Variants in FDX1 observed in about 807,000 individuals in gnomAD.
The protein encoded by FDX1 is adrenodoxin, mitochondrial.
FDX1 carries 9 observed loss-of-function variants against 14.9 expected under a neutral mutation model. The observed-to-expected ratio is 0.60, with a 90% CI of 0.36 to 1.05. FDX1 has a LOEUF of 1.05. Among genes scored for constraint, FDX1 ranks in the 50% least tolerant of loss-of-function variants. FDX1 has a pLI of 0.01. For synonymous variants in FDX1, 92 were observed against 99.4 expected (o/e 0.93, Z 0.44); for missense variants, 204 against 237.2 (o/e 0.86, Z 0.92).
Position 110,432,284 on chromosome 11 carries a change from G to C in FDX1, c.185+1979G>C, listed in dbSNP as rs562202531. On this transcript the variant is annotated intron_variant, in intron 1 of 3. Coordinates refer to ENST00000260270, the MANE Select transcript of FDX1 (RefSeq NM_004109.5). ...ATCTTTCACGTGTATTGTTTCGTAT[G>C]ACTCTTAAGACAATTCTATGAGGTA... Among the ~76,000 whole-genome samples, 22 of 152,250 alleles carry C rather than the reference G, an allele frequency of 1.4e-4. No individual in the cohort carries two copies. In the South Asian group the frequency reaches 3.1e-3, roughly 22 times the overall value.
chr11:110,442,058 G>A (rs895649863), intron 2 of FDX1, among the ~76,000 whole-genome samples: 7 of 152,226 alleles, frequency 4.6e-5, no homozygotes, highest in Non-Finnish European at 4.4e-5. Context: ...CTTCCATGTG[G>A]TATTGAGCCT....
chr11:110,458,953 G>T (rs890053475), intron 3 of FDX1, among the ~76,000 whole-genome samples: 1 of 152,134 alleles, frequency 6.6e-6, no homozygotes, highest in Non-Finnish European at 1.5e-5. Context: ...TGGATGGATG[G>T]ATGATACATG....
At chr11:110,431,288 A>T (rs1201296584) in intron 1 of FDX1, among the ~76,000 whole-genome samples, 1 of 152,236 alleles carries the variant, frequency 6.6e-6, no homozygotes, top group Non-Finnish European at 1.5e-5. Context: ...TTTACACATA[A>T]TTTTTACCAA....
intron 1 of FDX1, among the ~76,000 whole-genome samples, chr11:110,431,354 T>C (rs2134563745): frequency 6.6e-6 from 1 of 152,344 alleles, no homozygotes; most frequent in African/African-American, 2.4e-5. Context: ...CCGCATGATG[T>C]AGGGTAGCAG....
Position 110,444,681 on chromosome 11 carries a change from T to C in FDX1, c.310+8723T>C, listed in dbSNP as rs1476421640. On this transcript the variant is annotated intron_variant, in intron 2 of 3. Transcript: ENST00000260270. ...ATATATATACGTATATATATATATATATACACGTATATATATATATATACG... is the reference window on the plus strand; with the variant it reads ...ATATATATACGTATATATATATATACATACACGTATATATATATATATACG... Among the ~76,000 whole-genome samples, 96 of 73,172 alleles carry C rather than the reference T, an allele frequency of 1.3e-3. 5 individuals carry two copies. Among genetic ancestry groups the C allele is most frequent in the Non-Finnish European group, 1.6e-3 (62 of 39,502 alleles). The allele number at this position is 73,172 out of a possible 152,430, so 48.0% of individuals were successfully genotyped here.
At chr11:110,444,690 A>ATATATATATACACG in intron 2 of FDX1, among the ~76,000 whole-genome samples, 1 of 54,982 alleles carries the variant, frequency 1.8e-5, no homozygotes, top group East Asian at 7.6e-4. Context: ...ATATACACGT[A>ATATATATATACACG]TATATATATA....
intron 2 of FDX1, among the ~76,000 whole-genome samples, chr11:110,442,436 T>C (rs1020459995): frequency 1.3e-5 from 2 of 152,166 alleles, no homozygotes; most frequent in African/African-American, 4.8e-5. Context: ...CCCAAGACCA[T>C]GGGAACCCAG....
At position 110,463,523 on chromosome 11, in the gene FDX1, A is replaced by G. The variant is rs907217038; in HGVS notation, c.*1055A>G. 9.2e-5 allele frequency: 14 copies of G among 152,376 alleles called. No individual in the cohort carries two copies. The highest frequency in any genetic ancestry group is 3.4e-4 in the African/African-American group (14 of 41,600). The allele number at this position is 152,376 out of a possible 1,614,324, so 9.4% of individuals were successfully genotyped here. ...GGTACACAGTATGGTCTTTGGAAAT[A>G]TAATAAAACATCAACTAACTTGGAC... On this transcript the variant is annotated 3_prime_UTR_variant, in exon 4 of 4. Transcript: ENST00000260270.
Position 110,464,245 on chromosome 11 carries a change from C to T in FDX1, c.*1777C>T, listed in dbSNP as rs762050011. 2 of 152,006 alleles carry T rather than the reference C, an allele frequency of 1.3e-5. No individual in the cohort carries two copies. The highest frequency in any genetic ancestry group is 2.9e-5 in the Non-Finnish European group (2 of 68,006). 9.4% of individuals were successfully genotyped at this position (152,006 alleles called of 1,614,324 possible). ...TTGAATGCTTTCTATGTGGAGAGTG[C>T]TTGTCTTAATTTTCTGTTGCTATAA... is the stretch of plus-strand genomic sequence containing the variant. On this transcript the variant is annotated 3_prime_UTR_variant, in exon 4 of 4. Transcript: ENST00000260270.
intron 2 of FDX1, among the ~76,000 whole-genome samples, chr11:110,437,899 T>G (rs994466159): frequency 2.6e-5 from 4 of 152,202 alleles, no homozygotes; most frequent in African/African-American, 9.7e-5. Flanking sequence ...GCTTTTCTGG[T>G]TCTGTGTTAA....
chr11:110,447,584 C>T (rs10789764), intron 2 of FDX1, among the ~76,000 whole-genome samples: 42,171 of 151,942 alleles, frequency 0.28, 5,928 homozygotes, highest in East Asian at 0.37. Flanking sequence ...TCTCATTGTT[C>T]TTTGTCTCAC....
At chr11:110,453,671 A>G (rs1436744379) in intron 2 of FDX1, among the ~76,000 whole-genome samples, 1 of 151,702 alleles carries the variant, frequency 6.6e-6, no homozygotes, top group African/African-American at 2.4e-5. Context: ...ACTCTAGAAA[A>G]CTACTCATCT....
chr11:110,450,850 A>G (rs983465630), intron 2 of FDX1, among the ~76,000 whole-genome samples: 2 of 152,134 alleles, frequency 1.3e-5, no homozygotes, highest in African/African-American at 4.8e-5. Flanking sequence ...AGACATACAC[A>G]TTTTCCCTGT....
In FDX1 at chr11:110,462,398, A is replaced by G. The variant is rs1425189629; in HGVS notation, c.485A>G (p.Asn162Ser). Residue 162 changes from asparagine (N) to serine (S), a missense_variant, in exon 4 of 4, where the codon AAT becomes AGT. By Grantham distance (46) the Asn-to-Ser change is conservative. Coordinates refer to ENST00000260270, the MANE Select transcript of FDX1 (RefSeq NM_004109.5). ...ATCTGTTTGACAAAATCTATGGACAATATGACTGTTCGAGTGCCTGAAACA... is the reference window on the plus strand; with the variant it reads ...ATCTGTTTGACAAAATCTATGGACAGTATGACTGTTCGAGTGCCTGAAACA... Reference protein sequence around the residue: ...CQICLTKSMDNMTVRVPETVA... With the variant: ...CQICLTKSMDSMTVRVPETVA... The G allele has an allele frequency of 3.7e-6, 6 of 1,612,686 alleles. No homozygotes were observed. The highest frequency in any genetic ancestry group is 4.5e-5 in the East Asian group (2 of 44,872).
chr11:110,453,238 T>G (rs1946497791), intron 2 of FDX1, among the ~76,000 whole-genome samples: 1 of 152,180 alleles, frequency 6.6e-6, no homozygotes, highest in South Asian at 2.1e-4. Context: ...TCCAGGAGGC[T>G]GAGGCAGGAG....
At chr11:110,442,977 G>A (rs910409690) in intron 2 of FDX1, among the ~76,000 whole-genome samples, 6 of 152,156 alleles carry the variant, frequency 3.9e-5, no homozygotes, top group Non-Finnish European at 5.9e-5. Flanking sequence ...TATAAGGGGA[G>A]GGGGGTTCCC....
chr11:110,444,767 T>TA (rs1355647001), intron 2 of FDX1, among the ~76,000 whole-genome samples: 3 of 136,280 alleles, frequency 2.2e-5, no homozygotes, highest in African/African-American at 8.3e-5. Flanking sequence ...TATATATATA[T>TA]TTGCAGAACA....
Position 110,463,079 on chromosome 11 carries a change from T to A in FDX1, c.*611T>A, listed in dbSNP as rs1565386642. On this transcript the variant is annotated 3_prime_UTR_variant, in exon 4 of 4. Transcript: ENST00000260270. ...ATTTCAAAATTTTGATTCGGAAGACTAAGTCTGGACGTAGACATTATAATG... is the reference window on the plus strand; with the variant it reads ...ATTTCAAAATTTTGATTCGGAAGACAAAGTCTGGACGTAGACATTATAATG... 1 of 152,390 alleles carries A rather than the reference T, an allele frequency of 6.6e-6. No individual in the cohort carries two copies. Among genetic ancestry groups the A allele is most frequent in the East Asian group, 1.9e-4 (1 of 5,196 alleles). 9.4% of individuals were successfully genotyped at this position (152,390 alleles called of 1,614,324 possible).
At chr11:110,432,220 C>G (rs1039762098) in intron 1 of FDX1, among the ~76,000 whole-genome samples, 2 of 151,964 alleles carry the variant, frequency 1.3e-5, no homozygotes, top group African/African-American at 2.4e-5. Flanking sequence ...TCTAAAATAC[C>G]GTGACACAAG....
Sources: allele counts gnomAD v4.1 joint callset (sites outside exome capture counted in the v4.1 genomes callset), GRCh38; gene constraint gnomAD v4.1.1; transcripts MANE v1.5; gene names NCBI Gene and HGNC (gene_info 2026-07-23, HGNC 2026-07-21).